DUSP16: variants seen among roughly 807,000 people sequenced by gnomAD.
DUSP16 encodes dual specificity protein phosphatase 16.
In DUSP16, 21 loss-of-function variants were observed where a neutral mutation model predicts 58.3. That is an observed-to-expected ratio of 0.36 (90% CI 0.26 to 0.52). DUSP16 has a LOEUF of 0.52. Among genes scored for constraint, DUSP16 ranks in the 20% least tolerant of loss-of-function variants. The pLI is 0.94. For synonymous variants in DUSP16, 320 were observed against 323.8 expected, an observed-to-expected ratio of 0.99 and a Z score of 0.12; for missense variants, 726 against 819.0, an observed-to-expected ratio of 0.89 and a Z score of 1.39.
chr12:12,554,243 C>CTAAT (rs1489897098), intron 1 of DUSP16, among the ~76,000 whole-genome samples: 1 of 146,546 alleles, frequency 6.8e-6, no homozygotes, highest in Admixed American at 6.8e-5. Flanking sequence ...TTTTGATTAG[C>CTAAT]TAATTAGCTC....
At chr12:12,521,988 G>A (rs1014453853) in intron 1 of DUSP16, among the ~76,000 whole-genome samples, 4 of 152,204 alleles carry the variant, frequency 2.6e-5, no homozygotes, top group African/African-American at 4.8e-5. Context: ...GAGCTCACGC[G>A]AGTACCAGGG....
intron 3 of DUSP16, among the ~76,000 whole-genome samples, chr12:12,506,566 T>A (rs1001584498): frequency 6.6e-6 from 1 of 152,242 alleles, no homozygotes; most frequent in African/African-American, 2.4e-5. Flanking sequence ...ATGCTGTTTA[T>A]CATCTGGGAA....
chr12:12,503,398 T>C (rs28680636), intron 3 of DUSP16, among the ~76,000 whole-genome samples: 2 of 152,116 alleles, frequency 1.3e-5, no homozygotes, highest in East Asian at 3.9e-4. Flanking sequence ...GCTAATTTTT[T>C]ATTTTTAGTA....
intron 3 of DUSP16, among the ~76,000 whole-genome samples, chr12:12,507,011 C>T (rs185423312): frequency 5.4e-4 from 82 of 152,170 alleles, no homozygotes; most frequent in African/African-American, 1.5e-3. Context: ...ATATGATTTT[C>T]TGTAAAAGCA....
At chr12:12,505,939 C>T (rs1041027608) in intron 3 of DUSP16, 1 of 152,144 alleles carries the variant, frequency 6.6e-6, no homozygotes, top group African/African-American at 2.4e-5. Context: ...ATTTAGTGCT[C>T]AGTTTGGCTT....
intron 5 of DUSP16, among the ~76,000 whole-genome samples, chr12:12,485,735 T>C (rs1367970043): frequency 6.6e-6 from 1 of 151,800 alleles, no homozygotes; most frequent in Non-Finnish European, 1.5e-5. Context: ...TTGCCTCGGC[T>C]TGTTAAAGTG....
Position 12,477,295 on chromosome 12 carries a change from A to G in DUSP16, c.1536T>C (p.Asn512=). ...GGCCGAAAAGGAAGCTGGTGTGGTA[A>G]TTGTCCTCCACGCTCCCACTTCGAT... ...PLHRSGSVED[N]YHTSFLFGLS... Residue 512 remains asparagine, a synonymous_variant, in exon 7 of 7, where the codon AAT becomes AAC. Coordinates refer to ENST00000298573, the MANE Select transcript of DUSP16 (RefSeq NM_030640.3). The surrounding 1 kb of genome is among the most constrained non-coding windows in gnomAD (Gnocchi z 4.1). The G allele has an allele frequency of 1.9e-6, 3 of 1,614,160 alleles. No individual in the cohort carries two copies. Among genetic ancestry groups the G allele is most frequent in the Non-Finnish European group, 2.5e-6 (3 of 1,180,030 alleles).
intron 4 of DUSP16, among the ~76,000 whole-genome samples, chr12:12,490,626 TGTTTTCTAG>T (rs1943749115): frequency 6.6e-6 from 1 of 152,146 alleles, no homozygotes; most frequent in Admixed American, 6.5e-5. Flanking sequence ...CACAGCTTCT[TGTTTTCTAG>T]GTTAGCTGAC....
At chr12:12,550,906 G>C (rs921494864) in intron 1 of DUSP16, among the ~76,000 whole-genome samples, 13 of 151,782 alleles carry the variant, frequency 8.6e-5, no homozygotes, top group Admixed American at 8.5e-4. Flanking sequence ...AAAAAAGCCA[G>C]TCTCACTTAA....
At chr12:12,554,341 C>T (rs1207225377) in intron 1 of DUSP16, among the ~76,000 whole-genome samples, 1 of 152,014 alleles carries the variant, frequency 6.6e-6, no homozygotes, top group Non-Finnish European at 1.5e-5. Context: ...AACTCCTGAC[C>T]TCAAGCGATC....
intron 1 of DUSP16, among the ~76,000 whole-genome samples, chr12:12,538,743 G>C (rs563163179): frequency 6.6e-6 from 1 of 152,182 alleles, no homozygotes; most frequent in African/African-American, 2.4e-5. Flanking sequence ...CAACAGCCTC[G>C]GCAGGACTCT....
intron 1 of DUSP16, among the ~76,000 whole-genome samples, chr12:12,540,185 T>C (rs934215793): frequency 4.0e-5 from 6 of 148,682 alleles, no homozygotes; most frequent in Admixed American, 1.3e-4. Context: ...CAGGGGCCCG[T>C]AGTCCCAGCT....
chr12:12,482,332 T>C (rs1943586058), intron 5 of DUSP16, among the ~76,000 whole-genome samples: 1 of 152,238 alleles, frequency 6.6e-6, no homozygotes, highest in African/African-American at 2.4e-5. Flanking sequence ...TAACATGCGT[T>C]ACGATGTTGA....
intron 1 of DUSP16, among the ~76,000 whole-genome samples, chr12:12,530,559 C>G (rs927806447): frequency 6.6e-6 from 1 of 152,078 alleles, no homozygotes; most frequent in Middle Eastern, 3.2e-3. Context: ...GCTTTTGAGG[C>G]AGGCAATTGA....
chr12:12,486,294 G>A (rs1341849233), intron 5 of DUSP16, among the ~76,000 whole-genome samples: 1 of 152,070 alleles, frequency 6.6e-6, no homozygotes, highest in Non-Finnish European at 1.5e-5. Flanking sequence ...GTCCACTAAA[G>A]CCACATTCCA....
intron 1 of DUSP16, among the ~76,000 whole-genome samples, chr12:12,536,335 T>C (rs2136246658): frequency 6.6e-6 from 1 of 152,366 alleles, no homozygotes; most frequent in South Asian, 2.1e-4. Flanking sequence ...TATCTCAATG[T>C]CTTATTCTGT....
intron 4 of DUSP16, among the ~76,000 whole-genome samples, chr12:12,494,861 C>G (rs531196555): frequency 1.3e-5 from 2 of 152,104 alleles, no homozygotes; most frequent in African/African-American, 2.4e-5. Flanking sequence ...GAAGACTGAT[C>G]GATTTATTAA....
At chr12:12,505,826 A>C (rs2136218144) in intron 3 of DUSP16, among the ~76,000 whole-genome samples, 1 of 152,226 alleles carries the variant, frequency 6.6e-6, no homozygotes, top group East Asian at 1.9e-4. Context: ...TTATAAAACA[A>C]AAAGAAGCCT....
At chr12:12,486,085 G>T (rs187644588) in intron 5 of DUSP16, among the ~76,000 whole-genome samples, 1 of 152,146 alleles carries the variant, frequency 6.6e-6, no homozygotes, top group East Asian at 1.9e-4. Flanking sequence ...GACCCACCGC[G>T]CCTGGCCAAT....
Sources: allele counts gnomAD v4.1 joint callset (sites outside exome capture counted in the v4.1 genomes callset), GRCh38; gene constraint gnomAD v4.1.1; non-coding constraint Gnocchi (gnomAD v3.1); transcripts MANE v1.5; gene names NCBI Gene and HGNC (gene_info 2026-07-23, HGNC 2026-07-21).